The following PRKN variants were observed in gnomAD, a reference collection of about 807,000 sequenced individuals.
The protein encoded by PRKN is E3 ubiquitin-protein ligase parkin.
A neutral mutation model predicts 59.5 loss-of-function variants in PRKN; 56 were observed. The observed-to-expected ratio is 0.94, with a 90% CI of 0.76 to 1.18. PRKN has a LOEUF of 1.18. PRKN is among the 50% of genes most tolerant of loss of function. The pLI, the probability that PRKN is intolerant of heterozygous loss-of-function variation, is 0.00. For missense variants in PRKN, 657 were observed against 596.4 expected (o/e 1.10, Z -1.06); for synonymous variants, 250 against 222.1 (o/e 1.13, Z -1.12).
chr6:161,996,165 A>C (rs1781831654), intron 5 of PRKN, among the ~76,000 whole-genome samples: 1 of 129,458 alleles, frequency 7.7e-6, no homozygotes, highest in Non-Finnish European at 1.7e-5. Flanking sequence ...GATAAAGAAA[A>C]CGTGGTGTGT....
rs142988921 is a variant in PRKN at position 162,647,661 on chromosome 6, C to T, written c.7+80001G>A. Among the ~76,000 whole-genome samples the T allele has an allele frequency of 1.8e-3, 281 of 152,124 alleles. 8 individuals carry two copies. The highest frequency in any genetic ancestry group is 0.017 in the Admixed American group (263 of 15,266). On this transcript the variant is annotated intron_variant, in intron 1 of 11. Coordinates refer to ENST00000366898, the MANE Select transcript of PRKN (RefSeq NM_004562.3). ...CAGGGCTTTCTGGAAGTATTAAGGT[C>T]ATGTTTCACCTTCACTTTTTGTGGT...
intron 1 of PRKN, among the ~76,000 whole-genome samples, chr6:162,686,436 C>CT (rs780273038): frequency 4.6e-5 from 7 of 151,894 alleles, no homozygotes; most frequent in Non-Finnish European, 1.0e-4. Context: ...TTTTGTTTTT[C>CT]TTTTGTGGGG....
At chr6:162,151,095 C>T (rs2128313733) in intron 4 of PRKN, among the ~76,000 whole-genome samples, 1 of 152,278 alleles carries the variant, frequency 6.6e-6, no homozygotes, top group South Asian at 2.1e-4. Flanking sequence ...GGAAGAAAAT[C>T]AGAGGCCGTC....
At chr6:162,695,390 G>T (rs1478158278) in intron 1 of PRKN, among the ~76,000 whole-genome samples, 1 of 152,026 alleles carries the variant, frequency 6.6e-6, no homozygotes, top group Non-Finnish European at 1.5e-5. Flanking sequence ...TTTCAGGAAT[G>T]AAGGCTCATA....
intron 4 of PRKN, among the ~76,000 whole-genome samples, chr6:162,097,154 G>A (rs192862997): frequency 1.5e-4 from 23 of 152,268 alleles, no homozygotes; most frequent in Middle Eastern, 3.4e-3. Context: ...GGGACTACAG[G>A]CGTGAGCCAC....
In PRKN at chr6:161,451,970, T is replaced by C. The variant is rs1278771654; in HGVS notation, c.1084-65093A>G. On this transcript the variant is annotated intron_variant, in intron 9 of 11. Coordinates refer to ENST00000366898, the MANE Select transcript of PRKN (RefSeq NM_004562.3). This position sits in a 1 kb window ranked among gnomAD's most constrained non-coding sequence, Gnocchi z 5.9. Reference sequence around the variant, plus strand: ...TTTTTTCTTTTCTTTTCTTTTCTTTTTTTGGGATGGAGTCTCACTCTGTTG... The same window carrying C: ...TTTTTTCTTTTCTTTTCTTTTCTTTCTTTGGGATGGAGTCTCACTCTGTTG... Among the ~76,000 whole-genome samples, 1 of 152,108 alleles carries C rather than the reference T, an allele frequency of 6.6e-6. No individual in the cohort carries two copies. The highest frequency in any genetic ancestry group is 1.5e-5 in the Non-Finnish European group (1 of 68,028).
At chr6:161,604,666 G>A (rs1349547103) in intron 7 of PRKN, among the ~76,000 whole-genome samples, 12 of 152,124 alleles carry the variant, frequency 7.9e-5, no homozygotes, top group Admixed American at 7.2e-4. Flanking sequence ...AAGCATGAAC[G>A]GTTCATGCCT....
chr6:162,090,004 A>G (rs1348375902), intron 4 of PRKN, among the ~76,000 whole-genome samples: 1 of 152,160 alleles, frequency 6.6e-6, no homozygotes, highest in African/African-American at 2.4e-5. Context: ...ATACACTACT[A>G]AACTGTACAC....
intron 7 of PRKN, among the ~76,000 whole-genome samples, chr6:161,759,711 T>C (rs1789110866): frequency 6.6e-6 from 1 of 152,212 alleles, no homozygotes; most frequent in Non-Finnish European, 1.5e-5. Context: ...TCCACGCAGT[T>C]TTCCCATTGT....
In PRKN at chr6:162,021,993, T is replaced by C. The variant is rs567729175; in HGVS notation, c.618+32098A>G. Among the ~76,000 whole-genome samples the C allele has an allele frequency of 3.3e-5, 5 of 152,286 alleles. No individual in the cohort carries two copies. The South Asian group carries it at 1.0e-3, about 32-fold the overall frequency. On this transcript the variant is annotated intron_variant, in intron 5 of 11. Transcript: ENST00000366898. ...TTAATTCCCCTAGGATTATGGCCTG[T>C]AACTGCATCCACGTCGCTGCAAAGG...
At chr6:162,692,861 C>G (rs963652346) in intron 1 of PRKN, among the ~76,000 whole-genome samples, 11 of 152,176 alleles carry the variant, frequency 7.2e-5, no homozygotes, top group African/African-American at 2.2e-4. Flanking sequence ...CAGCAAATCA[C>G]TGAACCCGAG....
intron 2 of PRKN, among the ~76,000 whole-genome samples, chr6:162,411,775 T>C (rs1468230932): frequency 6.6e-6 from 1 of 152,048 alleles, no homozygotes; most frequent in Non-Finnish European, 1.5e-5. Flanking sequence ...GCAAACTGAG[T>C]ACCTTTCAAG....
At chr6:162,028,907 G>T (rs556332502) in intron 5 of PRKN, among the ~76,000 whole-genome samples, 1 of 152,306 alleles carries the variant, frequency 6.6e-6, no homozygotes, top group East Asian at 1.9e-4. Flanking sequence ...AGAGAAGAGG[G>T]TGCTGTGAAC....
intron 4 of PRKN, 102 bp downstream of exon 4, chr6:162,201,029 C>T: frequency 1.5e-6 from 2 of 1,307,678 alleles, no homozygotes; most frequent in Non-Finnish European, 2.2e-6. Context: ...AATGTCTTTT[C>T]TTTTCAAAGA....
At position 161,548,711 on chromosome 6, in the gene PRKN, A is replaced by T. The variant is rs1443307393; in HGVS notation, c.1083+143T>A. The T allele has an allele frequency of 1.3e-5, 10 of 784,842 alleles. No individual in the cohort carries two copies. The highest frequency in any genetic ancestry group is 1.9e-5 in the Non-Finnish European group (9 of 475,220). 48.6% of individuals were successfully genotyped at this position (784,842 alleles called of 1,614,324 possible). ...AATCTGGAGTCCTATAAAGGAATTT[A>T]AAATCTATTTTCTTATATGTAAGTT... On this transcript the variant is annotated intron_variant, in intron 9 of 11. Coordinates refer to ENST00000366898, the MANE Select transcript of PRKN (RefSeq NM_004562.3). This position sits in a 1 kb window ranked among gnomAD's most constrained non-coding sequence, Gnocchi z 4.2.
chr6:161,764,651 CTT>C lies in PRKN; in HGVS notation c.871+21119_871+21120del, dbSNP rs370081351. Among the ~76,000 whole-genome samples, 369 of 152,268 alleles carry C rather than the reference CTT, an allele frequency of 2.4e-3. 2 individuals carry two copies. The highest frequency in any genetic ancestry group is 8.6e-3 in the African/African-American group (356 of 41,528). On this transcript the variant is annotated intron_variant, in intron 7 of 11. Transcript: ENST00000366898. ...TTCTATGTGAAATAAAAACAGGAAA[CTT>C]ATTAGGGTGTTTTCTGTAATATGAA... is the stretch of plus-strand genomic sequence containing the variant.
At chr6:161,832,846 G>T (rs865838673) in intron 6 of PRKN, among the ~76,000 whole-genome samples, 2 of 151,872 alleles carry the variant, frequency 1.3e-5, no homozygotes, top group African/African-American at 4.8e-5. Context: ...CAGCATCCCC[G>T]CTCCTGCCCA....
intron 4 of PRKN, among the ~76,000 whole-genome samples, chr6:162,178,614 T>C (rs1562561968): frequency 2.0e-5 from 3 of 152,214 alleles, no homozygotes. Flanking sequence ...TAGGATATTG[T>C]CACGTGCTGC....
chr6:162,126,755 C>T (rs1031806170), intron 4 of PRKN, among the ~76,000 whole-genome samples: 3 of 152,138 alleles, frequency 2.0e-5, no homozygotes, highest in East Asian at 1.9e-4. Context: ...CTCTTCTATG[C>T]CCCAGTGTCT....
Sources: gnomAD v4.1 joint callset for allele counts (sites outside exome capture counted in the v4.1 genomes callset) on GRCh38, gnomAD v4.1.1 for gene constraint, Gnocchi (gnomAD v3.1) non-coding constraint, MANE v1.5 for transcripts, NCBI Gene and HGNC (gene_info 2026-07-23, HGNC 2026-07-21) for gene names.